The following OLFM2 variants were observed in gnomAD, a reference collection of about 807,000 sequenced individuals.
The protein encoded by OLFM2 is noelin-2.
A neutral mutation model predicts 43.9 loss-of-function variants in OLFM2; 20 were observed. That is an observed-to-expected ratio of 0.46 (90% CI 0.32 to 0.66). OLFM2 has a LOEUF of 0.66. Among genes scored for constraint, OLFM2 ranks in the 30% least tolerant of loss-of-function variants. The pLI is 0.04. For missense variants in OLFM2, 416 were observed against 643.6 expected (o/e 0.65, Z 3.83); for synonymous variants, 268 against 278.6 (o/e 0.96, Z 0.38).
At chr19:9,876,405 C>T (rs2046488533) in intron 1 of OLFM2, among the ~76,000 whole-genome samples, 1 of 152,112 alleles carries the variant, frequency 6.6e-6, no homozygotes, top group South Asian at 2.1e-4. Flanking sequence ...AGGGAGGCCT[C>T]GAAGGCTGGA....
chr19:9,860,797 G>T lies in OLFM2; in HGVS notation c.64-3C>A. Reference sequence around the variant, plus strand: ...TCTTCTGGGTTCTGGAAGAGAGTCTGCAAAGAGGTGGGGGTCAGAGACCGG... The same window carrying T: ...TCTTCTGGGTTCTGGAAGAGAGTCTTCAAAGAGGTGGGGGTCAGAGACCGG... On this transcript the variant is annotated splice_region_variant and splice_polypyrimidine_tract_variant and intron_variant, in intron 1 of 5. Coordinates refer to ENST00000264833, the MANE Select transcript of OLFM2 (RefSeq NM_058164.4). The T allele has an allele frequency of 6.2e-7, 1 of 1,602,608 alleles. No individual in the cohort carries two copies. The highest frequency in any genetic ancestry group is 1.3e-5 in the African/African-American group (1 of 74,972).
chr19:9,881,244 C>G (rs116208696), intron 1 of OLFM2, among the ~76,000 whole-genome samples: 3,386 of 152,240 alleles, frequency 0.022, 122 homozygotes, highest in African/African-American at 0.077. Context: ...TAACCTTGCC[C>G]ACATCTCTGA....
At chr19:9,855,403 G>T (rs2046308622) in intron 5 of OLFM2, among the ~76,000 whole-genome samples, 1 of 151,742 alleles carries the variant, frequency 6.6e-6, no homozygotes, top group Admixed American at 6.6e-5. Context: ...ACCACACCCG[G>T]CTAATTTTTG....
rs548207889 is a variant in OLFM2, at chr19:9,905,167, C to CA, written c.63+31136dup. On this transcript the variant is annotated intron_variant, in intron 1 of 5. Transcript: ENST00000264833. ...TGAAACCCTGTCTCTACTAAAAATA[C>CA]AAAAAAAAGACCGGGTGCGGTGGCT... Among the ~76,000 whole-genome samples the CA allele has an allele frequency of 6.7e-3, 1,019 of 151,026 alleles. 16 individuals carry two copies. The highest frequency in any genetic ancestry group is 0.024 in the African/African-American group (981 of 41,152).
intron 1 of OLFM2, among the ~76,000 whole-genome samples, chr19:9,888,299 G>C (rs2046605859): frequency 6.6e-6 from 1 of 151,878 alleles, no homozygotes; most frequent in South Asian, 2.1e-4. Context: ...GAGGTGGGTG[G>C]ATCATTTGAG....
At position 9,855,647 on chromosome 19, in the gene OLFM2, C is replaced by T. The variant is rs577046058; in HGVS notation, c.688-784G>A. Among the ~76,000 whole-genome samples, 20 of 152,184 alleles carry T rather than the reference C, an allele frequency of 1.3e-4. No individual in the cohort carries two copies. The East Asian group carries it at 3.5e-3, about 26-fold the overall frequency. On this transcript the variant is annotated intron_variant, in intron 5 of 5. Coordinates refer to ENST00000264833, the MANE Select transcript of OLFM2 (RefSeq NM_058164.4). ...CTCCCAGGCTCAAGCAATCCTCTCA[C>T]CTCAGCCCCCCGGAATAGCAGGGAC... is the stretch of plus-strand genomic sequence containing the variant.
chr19:9,911,206 A>T (rs147052547), intron 1 of OLFM2, among the ~76,000 whole-genome samples: 9 of 152,344 alleles, frequency 5.9e-5, no homozygotes, highest in African/African-American at 2.2e-4. Context: ...GGCCAGAGTC[A>T]TAGAGCAAGT....
At chr19:9,874,406 ACCCT>A (rs1454292585) in intron 1 of OLFM2, among the ~76,000 whole-genome samples, 1 of 144,996 alleles carries the variant, frequency 6.9e-6, no homozygotes, top group East Asian at 2.0e-4. Context: ...ACCTTAAGTG[ACCCT>A]CCCACCTAAG....
intron 1 of OLFM2, among the ~76,000 whole-genome samples, chr19:9,926,276 G>A (rs1248274608): frequency 1.3e-5 from 2 of 152,212 alleles, no homozygotes; most frequent in Non-Finnish European, 2.9e-5. Context: ...TTCTAGGCCA[G>A]GCATGGTGGC....
intron 1 of OLFM2, among the ~76,000 whole-genome samples, chr19:9,912,493 C>T (rs1390794273): frequency 6.6e-6 from 1 of 152,018 alleles, no homozygotes; most frequent in Admixed American, 6.6e-5. Context: ...GGGAGGAGCC[C>T]CCCAAACAGA....
chr19:9,875,757 T>C (rs1461157093), intron 1 of OLFM2, among the ~76,000 whole-genome samples: 1 of 151,730 alleles, frequency 6.6e-6, no homozygotes, highest in Non-Finnish European at 1.5e-5. Context: ...TCCTCCCACC[T>C]CGGCCTCCCC....
At chr19:9,910,301 C>T (rs2046817765) in intron 1 of OLFM2, among the ~76,000 whole-genome samples, 1 of 152,102 alleles carries the variant, frequency 6.6e-6, no homozygotes, top group African/African-American at 2.4e-5. Context: ...ATTACAGGGC[C>T]AGAATTCAAA....
At chr19:9,927,440 T>A (rs910319901) in intron 1 of OLFM2, among the ~76,000 whole-genome samples, 1 of 152,138 alleles carries the variant, frequency 6.6e-6, no homozygotes, top group Non-Finnish European at 1.5e-5. Flanking sequence ...TAGTTCCCAT[T>A]TCCAGAAACT....
At chr19:9,932,971 A>G (rs1451503070) in intron 1 of OLFM2, among the ~76,000 whole-genome samples, 1 of 152,062 alleles carries the variant, frequency 6.6e-6, no homozygotes, top group Non-Finnish European at 1.5e-5. Flanking sequence ...CCCACAGCTT[A>G]CAAGTTCCTA....
At chr19:9,889,045 GAC>G (rs2046614842) in intron 1 of OLFM2, among the ~76,000 whole-genome samples, 1 of 150,300 alleles carries the variant, frequency 6.7e-6, no homozygotes, top group Non-Finnish European at 1.5e-5. Flanking sequence ...TAGCCTGGGT[GAC>G]AGAGCGAGAC....
At chr19:9,855,384 G>A (rs951984278) in intron 5 of OLFM2, among the ~76,000 whole-genome samples, 1 of 151,800 alleles carries the variant, frequency 6.6e-6, no homozygotes, top group Non-Finnish European at 1.5e-5. Flanking sequence ...GGGATTACAG[G>A]CGCATCCCAC....
chr19:9,929,586 A>AC (rs902133069), intron 1 of OLFM2, among the ~76,000 whole-genome samples: 1 of 141,764 alleles, frequency 7.1e-6, no homozygotes, highest in Non-Finnish European at 1.5e-5. Flanking sequence ...ACAGAGTGAG[A>AC]CCCCGTCTCA....
At chr19:9,884,738 A>C (rs2046571910) in intron 1 of OLFM2, among the ~76,000 whole-genome samples, 1 of 152,074 alleles carries the variant, frequency 6.6e-6, no homozygotes, top group African/African-American at 2.4e-5. Flanking sequence ...CAAAGTTCTT[A>C]TATTTTATTC....
chr19:9,902,959 G>A lies in OLFM2; in HGVS notation c.63+33345C>T, dbSNP rs376087706. On this transcript the variant is annotated intron_variant, in intron 1 of 5. Coordinates refer to ENST00000264833, the MANE Select transcript of OLFM2 (RefSeq NM_058164.4). ...TCCCAAGTAGCTGGGACCACGGGCG[G>A]GTACCACCACGCCCAGCTAATTTTT... Among the ~76,000 whole-genome samples, 5 of 151,230 alleles carry A rather than the reference G, an allele frequency of 3.3e-5. No individual in the cohort carries two copies. In the East Asian group the frequency reaches 7.7e-4, roughly 23 times the overall value.
Sources: gnomAD v4.1 joint callset for allele counts (sites outside exome capture counted in the v4.1 genomes callset) on GRCh38, gnomAD v4.1.1 for gene constraint, MANE v1.5 for transcripts, NCBI Gene and HGNC (gene_info 2026-07-23, HGNC 2026-07-21) for gene names.